MIER3: variants seen among roughly 807,000 people sequenced by gnomAD.
The protein encoded by MIER3 is mesoderm induction early response protein 3.
Under a neutral mutation model 63.2 loss-of-function variants are expected in MIER3, and 9 were observed. The ratio of observed to expected loss-of-function variants is 0.14; its 90% CI spans 0.09 to 0.25. The LOEUF is 0.25. MIER3 is among the 10% of genes least tolerant of loss of function. MIER3 has a pLI of 1.00. For synonymous variants in MIER3, 205 were observed against 224.9 expected (o/e 0.91, Z 0.79); for missense variants, 512 against 666.2 (o/e 0.77, Z 2.55).
intron 2 of MIER3, among the ~76,000 whole-genome samples, chr5:56,948,611 G>A (rs1438753186): frequency 6.6e-6 from 1 of 152,152 alleles, no homozygotes; most frequent in Non-Finnish European, 1.5e-5. Flanking sequence ...CGAGGCTGTA[G>A]TGAGCCAAGA....
At chr5:56,939,865 T>C (rs934565235) in intron 3 of MIER3, among the ~76,000 whole-genome samples, 6 of 152,218 alleles carry the variant, frequency 3.9e-5, no homozygotes, top group African/African-American at 1.4e-4. Context: ...AGGAATAATA[T>C]GCTACACCAT....
At position 56,922,408 on chromosome 5, in the gene MIER3, T is replaced by C. The variant is rs544228800; in HGVS notation, c.*720A>G. 1 of 152,698 alleles carries C rather than the reference T, an allele frequency of 6.5e-6. No homozygotes were observed. The highest frequency in any genetic ancestry group is 2.1e-4 in the South Asian group (1 of 4,828). 9.5% of individuals were successfully genotyped at this position (152,698 alleles called of 1,614,324 possible). A position where few individuals can be genotyped will look rare whatever the true frequency, so the allele number is the denominator to read the frequency against. ...TGGCAGTAACATGACCAATTCTGTG[T>C]AAGGTAGCCCTGGTCTAGAATTTTG... On this transcript the variant is annotated 3_prime_UTR_variant, in exon 13 of 13. Transcript: ENST00000381199.
intron 3 of MIER3, among the ~76,000 whole-genome samples, chr5:56,945,940 T>TTA (rs1173181213): frequency 6.6e-6 from 1 of 152,224 alleles, no homozygotes; most frequent in Middle Eastern, 3.2e-3. Flanking sequence ...GTCTCTACTG[T>TTA]TTCTTTTATT....
intron 8 of MIER3, 65 bp from the exon 9 acceptor site, chr5:56,930,810 G>GT: frequency 7.7e-7 from 1 of 1,306,370 alleles, no homozygotes; most frequent in Non-Finnish European, 1.1e-6. Context: ...AAAAACAGGT[G>GT]TAAGAGTTTT....
intron 1 of MIER3, among the ~76,000 whole-genome samples, chr5:56,951,249 G>C (rs941390392): frequency 6.6e-6 from 1 of 152,012 alleles, no homozygotes; most frequent in Non-Finnish European, 1.5e-5. Context: ...AGGGATGCTG[G>C]CTCCTTCCAG....
intron 10 of MIER3, among the ~76,000 whole-genome samples, chr5:56,927,464 T>G (rs1455538842): frequency 1.3e-5 from 2 of 152,134 alleles, no homozygotes; most frequent in Non-Finnish European, 2.9e-5. Context: ...CCAAAATGCT[T>G]CAGAACCCTG....
At chr5:56,938,334 G>C (rs1750524469) in intron 4 of MIER3, 2 of 471,210 alleles carry the variant, frequency 4.2e-6, no homozygotes, top group African/African-American at 4.0e-5. Flanking sequence ...CTCCCTGCCT[G>C]AGATCTGAAA....
chr5:56,950,797 C>A, intron 1 of MIER3, 145 bp from the exon 2 acceptor site: 1 of 840,796 alleles, frequency 1.2e-6, no homozygotes, highest in South Asian at 1.6e-5. Flanking sequence ...GAATCGCTCC[C>A]GGCCCCTTTC....
In MIER3 at chr5:56,933,415, C is replaced by A; in HGVS notation, c.596-17G>T. 1 of 1,575,786 alleles carries A rather than the reference C, an allele frequency of 6.3e-7. No individual in the cohort carries two copies. The highest frequency in any genetic ancestry group is 8.6e-7 in the Non-Finnish European group (1 of 1,163,660). The stretch of plus-strand genomic sequence containing the variant: ...TTTCATATACTGATAAAGAAAATCC[C>A]ATTAACACATTAAAAATCATGAACG... On this transcript the variant is annotated splice_polypyrimidine_tract_variant and intron_variant, in intron 7 of 12. Coordinates refer to ENST00000381199, the MANE Select transcript of MIER3 (RefSeq NM_001297599.2).
chr5:56,935,903 A>G, intron 5 of MIER3, 152 bp from the exon 6 acceptor site: 1 of 643,808 alleles, frequency 1.6e-6, no homozygotes, highest in Non-Finnish European at 2.7e-6. Context: ...ACATTGGTCA[A>G]AATGAGACAC....
chr5:56,923,568 C>A lies in MIER3; in HGVS notation c.1213G>T (p.Ala405Ser). Residue 405 changes from alanine (A) to serine (S), a missense_variant, in exon 13 of 13, where the codon GCA becomes TCA. Transcript: ENST00000381199. ...SDLTALTNSV[A>S]TVCDPTDVNC... is the part of the protein sequence containing the mutation. Reference sequence around the variant, plus strand: ...ACATCTGTGGGGTCGCAGACGGTTGCTACACTGTTGGTCAAAGCTAAAAAG... The same window carrying A: ...ACATCTGTGGGGTCGCAGACGGTTGATACACTGTTGGTCAAAGCTAAAAAG... 6.2e-7 allele frequency: 1 copy of A among 1,613,278 alleles called. No individual in the cohort carries two copies. Among genetic ancestry groups the A allele is most frequent in the African/African-American group, 1.3e-5 (1 of 75,020 alleles).
At chr5:56,949,635 G>A (rs1309279734) in intron 2 of MIER3, among the ~76,000 whole-genome samples, 1 of 152,134 alleles carries the variant, frequency 6.6e-6, no homozygotes, top group Non-Finnish European at 1.5e-5. Flanking sequence ...AGTCAAGTGA[G>A]GCTCTGAAGG....
intron 5 of MIER3, among the ~76,000 whole-genome samples, chr5:56,937,137 T>C (rs1244323766): frequency 2.0e-5 from 3 of 152,116 alleles, no homozygotes; most frequent in Non-Finnish European, 4.4e-5. Flanking sequence ...TGCAGTAGCA[T>C]GATCTCCAGC....
intron 3 of MIER3, among the ~76,000 whole-genome samples, chr5:56,942,127 A>T (rs558090633): frequency 4.6e-5 from 7 of 152,352 alleles, no homozygotes; most frequent in African/African-American, 1.7e-4. Flanking sequence ...GAGCTCAGAG[A>T]ACCAGGCTGG....
chr5:56,952,089 C>G lies in MIER3; in HGVS notation c.9+5G>C. 7.7e-7 allele frequency: 1 copy of G among 1,305,130 alleles called. No individual in the cohort carries two copies. The allele number at this position is 1,305,130 out of a possible 1,614,324, so 80.8% of individuals were successfully genotyped here. ...CGGCTGCTCCTGCCCGGTTTCCCTGCTCACCTCCGCCATATTGGTACCTTT... is the reference window on the plus strand; with the variant it reads ...CGGCTGCTCCTGCCCGGTTTCCCTGGTCACCTCCGCCATATTGGTACCTTT... On this transcript the variant is annotated splice_donor_5th_base_variant and intron_variant, in intron 1 of 12. Transcript: ENST00000381199.
intron 2 of MIER3, 91 bp from the exon 3 acceptor site, chr5:56,947,162 C>A: frequency 7.8e-7 from 1 of 1,283,734 alleles, no homozygotes; most frequent in Non-Finnish European, 1.1e-6. Flanking sequence ...AGTCCCTTTT[C>A]ATGTTTATAT....
At position 56,936,505 on chromosome 5, in the gene MIER3, A is replaced by G. The variant is rs901284452; in HGVS notation, c.437-754T>C. On this transcript the variant is annotated intron_variant, in intron 5 of 12. Transcript: ENST00000381199. ...TGCATCTAAGAAATTATTTTAGTCC[A>G]AACATTTTATTTATTTATTTTTAGA... Among the ~76,000 whole-genome samples, 7 of 152,136 alleles carry G rather than the reference A, an allele frequency of 4.6e-5. No individual in the cohort carries two copies. The East Asian group carries it at 1.2e-3, about 25-fold the overall frequency.
chr5:56,941,120 A>G, intron 3 of MIER3: 16 of 985,466 alleles, frequency 1.6e-5, no homozygotes, highest in Non-Finnish European at 1.9e-5. Flanking sequence ...CCTGCTCACA[A>G]GGAATTCAGT....
rs367552638 is a variant in MIER3 at position 56,950,791 on chromosome 5, C to G, written c.10-139G>C. On this transcript the variant is annotated intron_variant, in intron 1 of 12. Coordinates refer to ENST00000381199, the MANE Select transcript of MIER3 (RefSeq NM_001297599.2). ...GTGCAAGACGTAGCTTCACTCGAAT[C>G]GCTCCCGGCCCCTTTCGGGCCCCCT... The G allele has an allele frequency of 2.1e-5, 19 of 910,482 alleles. No individual in the cohort carries two copies. In the East Asian group the frequency reaches 4.3e-4, roughly 20 times the overall value. The allele number at this position is 910,482 out of a possible 1,614,324, so 56.4% of individuals were successfully genotyped here.
Sources: gnomAD v4.1 joint callset for allele counts (sites outside exome capture counted in the v4.1 genomes callset) on GRCh38, gnomAD v4.1.1 for gene constraint, MANE v1.5 for transcripts, NCBI Gene and HGNC (gene_info 2026-07-23, HGNC 2026-07-21) for gene names.